The following KIZ variants were observed in gnomAD, a reference collection of about 807,000 sequenced individuals.
The protein encoded by KIZ is centrosomal protein kizuna.
A neutral mutation model predicts 79.6 loss-of-function variants in KIZ; 68 were observed. The observed-to-expected ratio is 0.85, with a 90% confidence interval of 0.70 to 1.05. KIZ has a LOEUF of 1.05. Ranked by LOEUF, KIZ falls within the 50% of genes least tolerant of loss-of-function variation. The pLI, the probability that KIZ is intolerant of heterozygous loss-of-function variation, is 0.00. For synonymous variants in KIZ, 280 were observed against 281.8 expected (o/e 0.99, Z 0.06); for missense variants, 797 against 800.4 (o/e 1.00, Z 0.05).
chr20:21,168,322 G>A (rs1251445999), intron 6 of KIZ, among the ~76,000 whole-genome samples: 2 of 152,126 alleles, frequency 1.3e-5, no homozygotes, highest in Non-Finnish European at 2.9e-5. Context: ...GTCTGTCATT[G>A]TTGGACATTT....
At chr20:21,197,290 C>T (rs1465131842) in intron 6 of KIZ, 1 of 152,302 alleles carries the variant, frequency 6.6e-6, no homozygotes, top group African/African-American at 2.4e-5. Flanking sequence ...AAAGATAAAT[C>T]CCTCTTTCCA....
At chr20:21,231,468 C>T (rs757874439) in intron 10 of KIZ, among the ~76,000 whole-genome samples, 23 of 152,290 alleles carry the variant, frequency 1.5e-4, no homozygotes, top group Middle Eastern at 3.4e-3. Context: ...TGAAATGACA[C>T]TCTAGGTTGT....
chr20:21,220,423 G>A (rs1324153368), intron 9 of KIZ, among the ~76,000 whole-genome samples: 3 of 151,890 alleles, frequency 2.0e-5, no homozygotes, highest in Non-Finnish European at 4.4e-5. Flanking sequence ...TTTAGGATTT[G>A]GGCTCTTGAA....
In KIZ at chr20:21,193,652, A is replaced by G. The variant is rs889397850; in HGVS notation, c.1353-11839A>G. 3.9e-5 allele frequency among the ~76,000 whole-genome samples: 6 copies of G among 152,224 alleles called. No individual in the cohort carries two copies. In the South Asian group the frequency reaches 6.2e-4, roughly 16 times the overall value. On this transcript the variant is annotated intron_variant, in intron 6 of 12. Transcript: ENST00000619189. ...TGGATTATGAAAATGTGGCACATAT[A>G]CACCATGGAATACTATGCAGACATA... is the stretch of plus-strand genomic sequence containing the variant.
chr20:21,244,138 T>A (rs1816990311), intron 11 of KIZ, 107 bp from the exon 12 acceptor site: 5 of 773,524 alleles, frequency 6.5e-6, no homozygotes, highest in Non-Finnish European at 1.1e-5. Context: ...TGTAAAGTTC[T>A]GGCCTCCAGT....
chr20:21,134,380 G>A (rs1171203232), intron 2 of KIZ, among the ~76,000 whole-genome samples: 1 of 152,002 alleles, frequency 6.6e-6, no homozygotes, highest in East Asian at 1.9e-4. Context: ...GCTCTGAGCC[G>A]GTGACCTTGG....
chr20:21,220,083 A>G (rs998388830), intron 9 of KIZ, among the ~76,000 whole-genome samples: 1 of 151,094 alleles, frequency 6.6e-6, no homozygotes, highest in Non-Finnish European at 1.5e-5. Context: ...TTTTCTGTAT[A>G]TAATAAGTAG....
intron 9 of KIZ, among the ~76,000 whole-genome samples, chr20:21,217,059 C>T (rs1026085099): frequency 2.6e-5 from 4 of 152,100 alleles, no homozygotes; most frequent in East Asian, 1.9e-4. Context: ...ATTGTAATTC[C>T]AGCAACCTGC....
chr20:21,190,228 C>T (rs997194488), intron 6 of KIZ, among the ~76,000 whole-genome samples: 7 of 152,142 alleles, frequency 4.6e-5, no homozygotes, highest in Admixed American at 3.3e-4. Flanking sequence ...AAGCAAATTG[C>T]GCTGGCTTTA....
intron 4 of KIZ, among the ~76,000 whole-genome samples, chr20:21,159,461 T>C (rs768768856): frequency 7.2e-5 from 11 of 152,154 alleles, no homozygotes; most frequent in Non-Finnish European, 1.6e-4. Flanking sequence ...AGAAACCCCA[T>C]ACCTGTTGGG....
At chr20:21,184,675 G>C (rs2034798853) in intron 6 of KIZ, among the ~76,000 whole-genome samples, 4 of 152,190 alleles carry the variant, frequency 2.6e-5, no homozygotes, top group Admixed American at 2.6e-4. Flanking sequence ...CCTTCAGTGA[G>C]GGAAAAGTGT....
At chr20:21,144,014 G>C (rs2122489064) in intron 3 of KIZ, 1 of 152,232 alleles carries the variant, frequency 6.6e-6, no homozygotes, top group Non-Finnish European at 1.5e-5. Context: ...TAGCTAAAGA[G>C]TATCTACAGT....
intron 1 of KIZ, among the ~76,000 whole-genome samples, chr20:21,131,574 A>G (rs2031845847): frequency 6.6e-6 from 1 of 152,138 alleles, no homozygotes; most frequent in South Asian, 2.1e-4. Context: ...CCATCACCGA[A>G]ATGCCAGCGA....
intron 9 of KIZ, among the ~76,000 whole-genome samples, chr20:21,217,886 TAAG>T (rs931796658): frequency 3.3e-5 from 5 of 151,980 alleles, no homozygotes; most frequent in African/African-American, 1.2e-4. Context: ...AAGAAGAACA[TAAG>T]TAGAGAGAAT....
chr20:21,139,558 A>G (rs2032399483), intron 3 of KIZ, among the ~76,000 whole-genome samples: 1 of 152,220 alleles, frequency 6.6e-6, no homozygotes, highest in African/African-American at 2.4e-5. Context: ...TGTCTTCCCA[A>G]TAAAATAAAG....
Position 21,126,177 on chromosome 20 carries a change from G to T in KIZ, c.62G>T (p.Gly21Val). 2 of 1,499,004 alleles carry T rather than the reference G, an allele frequency of 1.3e-6. No individual in the cohort carries two copies. The highest frequency in any genetic ancestry group is 8.9e-7 in the Non-Finnish European group (1 of 1,121,586). 92.9% of individuals were successfully genotyped at this position (1,499,004 alleles called of 1,614,324 possible). A position where few individuals can be genotyped will look rare whatever the true frequency, so the allele number is the denominator to read the frequency against. The stretch of plus-strand genomic sequence containing the variant: ...AGTCCCGACTACTACGAGAGGCTGG[G>T]CCAACTCCAGCACGGGCTGCGGGAC... Reference protein sequence around the residue: ...LSSPDYYERLGQLQHGLRDSE... With the variant: ...LSSPDYYERLVQLQHGLRDSE... Residue 21 changes from glycine (G) to valine (V), a missense_variant, in exon 1 of 13, where the codon GGC becomes GTC. Transcript: ENST00000619189.
chr20:21,154,093 T>C (rs1423781767), intron 4 of KIZ: 1 of 152,212 alleles, frequency 6.6e-6, no homozygotes, highest in Non-Finnish European at 1.5e-5. Context: ...CTTGCTTACA[T>C]AGAAATTAAA....
At chr20:21,166,206 C>T (rs181119695) in intron 6 of KIZ, 3 of 1,506,490 alleles carry the variant, frequency 2.0e-6, no homozygotes, top group Non-Finnish European at 2.7e-6. Flanking sequence ...TATTACATCC[C>T]TAGAAAAAGA....
At chr20:21,232,609 G>T in intron 10 of KIZ, 125 bp from the exon 11 acceptor site, 1 of 623,866 alleles carries the variant, frequency 1.6e-6, no homozygotes, top group Non-Finnish European at 3.0e-6. Context: ...GCCTTCTGTG[G>T]CTTGAACAGC....
Sources: allele counts gnomAD v4.1 joint callset (sites outside exome capture counted in the v4.1 genomes callset), GRCh38; gene constraint gnomAD v4.1.1; transcripts MANE v1.5; gene names NCBI Gene and HGNC (gene_info 2026-07-23, HGNC 2026-07-21).